Variants in FTCDNL1 observed in about 807,000 individuals in gnomAD.
FTCDNL1 encodes formiminotransferase cyclodeaminase N-terminal like.
A neutral mutation model predicts 5.9 loss-of-function variants in FTCDNL1; 11 were observed. The ratio of observed to expected loss-of-function variants is 1.87; its 90% confidence interval spans 1.18 to 3.10. FTCDNL1 has a LOEUF of 3.10. Ranked by LOEUF, FTCDNL1 falls within the 30% of genes most tolerant of loss-of-function variation. The pLI is 0.00. For synonymous variants in FTCDNL1, 58 were observed against 24.8 expected (o/e 2.34, Z -3.99); for missense variants, 115 against 65.5 (o/e 1.76, Z -2.61).
At chr2:199,828,075 G>A (rs868238756) in intron 3 of FTCDNL1, among the ~76,000 whole-genome samples, 2 of 152,134 alleles carry the variant, frequency 1.3e-5, no homozygotes, top group African/African-American at 4.8e-5. Flanking sequence ...AATAACATTT[G>A]TGTTTCTAAT....
chr2:199,773,272 A>G (rs879331688), intron 3 of FTCDNL1, among the ~76,000 whole-genome samples: 2 of 152,174 alleles, frequency 1.3e-5, no homozygotes, highest in African/African-American at 4.8e-5. Context: ...ACGTATATGC[A>G]TATACACAAA....
chr2:199,765,709 T>C (rs1698502921), intron 3 of FTCDNL1, among the ~76,000 whole-genome samples: 2 of 151,514 alleles, frequency 1.3e-5, no homozygotes, highest in East Asian at 1.9e-4. Context: ...GCCTGGCTTA[T>C]TTTTTGTATT....
At chr2:199,827,522 T>C (rs1473676912) in intron 3 of FTCDNL1, among the ~76,000 whole-genome samples, 1 of 152,184 alleles carries the variant, frequency 6.6e-6, no homozygotes, top group African/African-American at 2.4e-5. Flanking sequence ...ATTACAGTTA[T>C]GTAAGAAAAT....
the FTCDNL1 span, among the ~76,000 whole-genome samples, chr2:199,682,022 TTGTTGTTGGG>T: frequency 4.6e-5 from 7 of 152,130 alleles, no homozygotes; most frequent in African/African-American, 1.7e-4. Flanking sequence ...CATTTTTTTG[TTGTTGTTGGG>T]TGTTGTGATG....
chr2:199,670,628 C>T, the FTCDNL1 span, among the ~76,000 whole-genome samples: 1 of 152,126 alleles, frequency 6.6e-6, no homozygotes, highest in Non-Finnish European at 1.5e-5. Context: ...ACCACTTGTT[C>T]CCCAAAACTC....
intron 3 of FTCDNL1, among the ~76,000 whole-genome samples, chr2:199,800,342 G>A (rs1700380186): frequency 6.6e-6 from 1 of 152,172 alleles, no homozygotes; most frequent in African/African-American, 2.4e-5. Flanking sequence ...ATTGCTCTCA[G>A]AGGGCTGTTG....
At chr2:199,723,348 C>G in the FTCDNL1 span, among the ~76,000 whole-genome samples, 5 of 152,274 alleles carry the variant, frequency 3.3e-5, no homozygotes, top group East Asian at 9.7e-4. Flanking sequence ...ATTTGACATC[C>G]TCTCTTCCTA....
intron 4 of FTCDNL1, chr2:199,819,356 G>C: frequency 1.8e-6 from 1 of 565,402 alleles, no homozygotes; most frequent in East Asian, 2.9e-5. Context: ...TATCACTTCT[G>C]GGGGCCCTCA....
the FTCDNL1 span, among the ~76,000 whole-genome samples, chr2:199,728,620 T>A: frequency 6.6e-6 from 1 of 152,080 alleles, no homozygotes; most frequent in Admixed American, 6.5e-5. Flanking sequence ...TATACCAGGG[T>A]TGCTCTTTAG....
chr2:199,760,227 C>T (rs1438451018), downstream of FTCDNL1, among the ~76,000 whole-genome samples: 4 of 133,008 alleles, frequency 3.0e-5, no homozygotes, highest in Admixed American at 3.1e-4. Context: ...AAACAAAAAA[C>T]TCTACTAAAA....
At chr2:199,671,535 T>C in the FTCDNL1 span, among the ~76,000 whole-genome samples, 1 of 152,116 alleles carries the variant, frequency 6.6e-6, no homozygotes, top group African/African-American at 2.4e-5. Context: ...CATAAGAACC[T>C]GAAGTTTGAC....
chr2:199,755,339 CA>C, the FTCDNL1 span, among the ~76,000 whole-genome samples: 1 of 152,164 alleles, frequency 6.6e-6, no homozygotes, highest in Admixed American at 6.5e-5. Context: ...TAAAGCAATA[CA>C]AATTTGCTCA....
the FTCDNL1 span, among the ~76,000 whole-genome samples, chr2:199,711,792 G>A: frequency 6.6e-6 from 1 of 152,188 alleles, no homozygotes; most frequent in Admixed American, 6.5e-5. Context: ...GCAACCAAAG[G>A]GATGGGCTTC....
chr2:199,817,030 C>T (rs7577763), intron 4 of FTCDNL1, among the ~76,000 whole-genome samples: 97,541 of 152,042 alleles, frequency 0.64, 31,493 homozygotes, highest in South Asian at 0.77. Flanking sequence ...ATTCTCTCTA[C>T]ATTAGATTGC....
the FTCDNL1 span, among the ~76,000 whole-genome samples, chr2:199,752,557 C>T: frequency 6.6e-6 from 1 of 152,142 alleles, no homozygotes; most frequent in Admixed American, 6.5e-5. Flanking sequence ...TTCCTCAAAG[C>T]AGGAGGGAAT....
At position 199,846,174 on chromosome 2, in the gene FTCDNL1, T is replaced by TA. The variant is rs751410858; in HGVS notation, c.116-5dup. 150 of 684,840 alleles carry TA rather than the reference T, an allele frequency of 2.2e-4. No individual in the cohort carries two copies. Among genetic ancestry groups the TA allele is most frequent in the African/African-American group, 4.1e-4 (23 of 56,420 alleles). 42.4% of individuals were successfully genotyped at this position (684,840 alleles called of 1,614,324 possible). On this transcript the variant is annotated splice_region_variant and splice_polypyrimidine_tract_variant and intron_variant, in intron 2 of 4. Coordinates refer to ENST00000420128, the MANE Select transcript of FTCDNL1 (RefSeq NM_001363886.2). ...GAAACTTGAGGATGTTTCTTTCCTG[T>TA]AAAAAAAACAAGACAGAAGTGCAAG...
At chr2:199,725,201 C>T in the FTCDNL1 span, among the ~76,000 whole-genome samples, 4 of 152,154 alleles carry the variant, frequency 2.6e-5, no homozygotes, top group East Asian at 7.7e-4. Context: ...ACTAGGATTG[C>T]AACCCCTGGT....
chr2:199,717,508 G>GGTTTTTTTTTTT, the FTCDNL1 span, among the ~76,000 whole-genome samples: 1 of 83,808 alleles, frequency 1.2e-5, no homozygotes, highest in African/African-American at 5.5e-5. Flanking sequence ...ACAAGGCAGA[G>GGTTTTTTTTTTT]ATTTTTTTTT....
the FTCDNL1 span, among the ~76,000 whole-genome samples, chr2:199,718,178 T>C: frequency 6.6e-6 from 1 of 152,068 alleles, no homozygotes; most frequent in Non-Finnish European, 1.5e-5. Context: ...ATAGTGTACA[T>C]TGTACCAAAC....
Sources: gnomAD v4.1 joint callset for allele counts (sites outside exome capture counted in the v4.1 genomes callset) on GRCh38, gnomAD v4.1.1 for gene constraint, MANE v1.5 for transcripts, NCBI Gene and HGNC (gene_info 2026-07-23, HGNC 2026-07-21) for gene names.